Variants in ABCA1 observed in about 807,000 individuals in gnomAD.
ABCA1 encodes the protein phospholipid-transporting ATPase ABCA1.
ABCA1 carries 133 observed loss-of-function variants against 262.5 expected under a neutral mutation model. The observed-to-expected ratio is 0.51, with a 90% CI of 0.44 to 0.59. The LOEUF is 0.59. ABCA1 is among the 20% of genes least tolerant of loss of function. The pLI, the probability that ABCA1 is intolerant of heterozygous loss-of-function variation, is 0.00. For missense variants in ABCA1, 2,452 were observed against 2,777.5 expected, an observed-to-expected ratio of 0.88 and a Z score of 2.63; for synonymous variants, 1,022 against 1,043.5, an observed-to-expected ratio of 0.98 and a Z score of 0.40.
In ABCA1 at chr9:104,903,690, C is replaced by T. The variant is rs1195949415; in HGVS notation, c.-11G>A. 1 of 1,573,506 alleles carries T rather than the reference C, an allele frequency of 6.4e-7. No individual in the cohort carries two copies. Among genetic ancestry groups the T allele is most frequent in the South Asian group, 1.2e-5 (1 of 85,864 alleles). On this transcript the variant is annotated 5_prime_UTR_variant, in exon 2 of 50. Coordinates refer to ENST00000374736, the MANE Select transcript of ABCA1 (RefSeq NM_005502.4). The stretch of plus-strand genomic sequence containing the variant: ...AGGCCAACAAGCCATGTTCCCTCAG[C>T]CAGCACCCCCAGCGTGTGGCTCGGG...
rs1432404198 is a variant in ABCA1 at position 104,817,451 on chromosome 9, C to T, written c.3463-47G>A. The T allele has an allele frequency of 5.0e-6, 8 of 1,601,322 alleles. No homozygotes were observed. The Admixed American group carries it at 1.0e-4, about 20-fold the overall frequency. On this transcript the variant is annotated intron_variant, in intron 23 of 49. Transcript: ENST00000374736. The surrounding 1 kb of genome is among the most constrained non-coding windows in gnomAD (Gnocchi z 4.7). ...AGAACGGGTCAGGGACGGAGCAAGG[C>T]AGAGCCACCAGCACCTTCGCCGGGG...
intron 2 of ABCA1, among the ~76,000 whole-genome samples, chr9:104,903,324 A>C (rs2118431150): frequency 6.6e-6 from 1 of 152,268 alleles, no homozygotes; most frequent in East Asian, 1.9e-4. Context: ...AAAAGGAAAA[A>C]GTGGGGTGCT....
chr9:104,895,043 G>T (rs1363918703), intron 2 of ABCA1, among the ~76,000 whole-genome samples: 1 of 152,160 alleles, frequency 6.6e-6, no homozygotes, highest in Non-Finnish European at 1.5e-5. Flanking sequence ...CCTTCTCTAA[G>T]CTTAGCACTT....
intron 11 of ABCA1, among the ~76,000 whole-genome samples, chr9:104,834,539 T>C (rs1833627048): frequency 6.7e-6 from 1 of 148,438 alleles, no homozygotes; most frequent in South Asian, 2.2e-4. Flanking sequence ...TAGGGTGAAG[T>C]CGGCCCTGCC....
chr9:104,802,229 C>A, intron 33 of ABCA1, 70 bp from the exon 34 acceptor site: 2 of 1,370,094 alleles, frequency 1.5e-6, no homozygotes, highest in Non-Finnish European at 2.1e-6. Flanking sequence ...AGACTCAGTG[C>A]GAGTGTGTAC....
chr9:104,882,028 T>TAAAAAAAAAAAAAAAAAAAAC, intron 5 of ABCA1, among the ~76,000 whole-genome samples: 1 of 73,756 alleles, frequency 1.4e-5, no homozygotes, highest in Middle Eastern at 8.8e-3. Context: ...TCTGTAGCCT[T>TAAAAAAAAAAAAAAAAAAAAC]AAAAAAAAAA....
intron 13 of ABCA1, among the ~76,000 whole-genome samples, 180 bp downstream of exon 13, chr9:104,831,442 G>A (rs143298110): frequency 3.9e-5 from 6 of 152,128 alleles, no homozygotes; most frequent in African/African-American, 1.4e-4. Flanking sequence ...TATGACCTAT[G>A]AAAAACCTTC....
intron 1 of ABCA1, among the ~76,000 whole-genome samples, chr9:104,912,312 T>A (rs1227624928): frequency 6.6e-6 from 1 of 152,156 alleles, no homozygotes; most frequent in Non-Finnish European, 1.5e-5. Flanking sequence ...GGCAGCAGGA[T>A]CGCTTGAGCC....
At chr9:104,798,196 C>T (rs1348413941) in intron 37 of ABCA1, among the ~76,000 whole-genome samples, 3 of 152,208 alleles carry the variant, frequency 2.0e-5, no homozygotes, top group African/African-American at 7.2e-5. Context: ...TATTAATTTT[C>T]ATCATTGTGT....
chr9:104,821,525 A>C lies in ABCA1; in HGVS notation c.2829-19T>G. The C allele has an allele frequency of 6.2e-7, 1 of 1,613,468 alleles. No homozygotes were observed. The highest frequency in any genetic ancestry group is 1.1e-5 in the South Asian group (1 of 91,044). ...GATTGACCTGAGGACAAAAATTTAG[A>C]AGTACAGAAGTCAGGGTTGACCTAC... On this transcript the variant is annotated intron_variant, in intron 19 of 49. Coordinates refer to ENST00000374736, the MANE Select transcript of ABCA1 (RefSeq NM_005502.4).
Position 104,790,902 on chromosome 9 carries a change from C to G in ABCA1, c.5927+20G>C. 1 of 1,515,084 alleles carries G rather than the reference C, an allele frequency of 6.6e-7. No individual in the cohort carries two copies. The highest frequency in any genetic ancestry group is 9.2e-7 in the Non-Finnish European group (1 of 1,090,432). The allele number at this position is 1,515,084 out of a possible 1,614,324, so 93.9% of individuals were successfully genotyped here. ...AAAACAAAGTCTTTGCAGCAAAATA[C>G]AAGCCACTTCTTTTCTCACCTATTT... On this transcript the variant is annotated intron_variant, in intron 44 of 49. Coordinates refer to ENST00000374736, the MANE Select transcript of ABCA1 (RefSeq NM_005502.4).
chr9:104,804,221 T>G (rs1346167953), intron 32 of ABCA1, among the ~76,000 whole-genome samples: 2 of 151,222 alleles, frequency 1.3e-5, no homozygotes, highest in Non-Finnish European at 3.0e-5. Flanking sequence ...CAAATTATCA[T>G]GGAGTCCCCC....
Position 104,793,291 on chromosome 9 carries a change from C to T in ABCA1, c.5516G>A (p.Arg1839His), listed in dbSNP as rs139363994. The part of the protein sequence containing the change: ...ADALERFGEN[R>H]FVSPLSWDLV... ...GTCCCAAGATAATGGTGACACAAAG[C>T]GATTCTCCCCTAGTAGACACAATGC... is the stretch of plus-strand genomic sequence containing the variant. The change falls in exon 41 of 50, where the codon CGC becomes CAC. Residue 1839 changes from arginine to histidine, a missense_variant. By Grantham distance (29) the Arg-to-His change is conservative (BLOSUM62 0). This residue lies in a region of ABCA1 where 752 missense variants were observed against 944.5 expected (regional missense o/e 0.80). Coordinates refer to ENST00000374736, the MANE Select transcript of ABCA1 (RefSeq NM_005502.4). The T allele has an allele frequency of 2.7e-5, 43 of 1,614,090 alleles. No individual in the cohort carries two copies. The highest frequency in any genetic ancestry group is 2.3e-4 in the African/African-American group (17 of 75,014).
chr9:104,794,612 G>T (rs1829729867), intron 39 of ABCA1, 102 bp from the exon 40 acceptor site: 1 of 1,401,338 alleles, frequency 7.1e-7, no homozygotes. Flanking sequence ...CTGAAATATG[G>T]GAGTGAAGAA....
intron 5 of ABCA1, among the ~76,000 whole-genome samples, chr9:104,881,946 C>T (rs1035652817): frequency 6.7e-6 from 1 of 148,170 alleles, no homozygotes; most frequent in African/African-American, 2.5e-5. Context: ...ACCCCTAAGA[C>T]AGCTTTGCTT....
intron 8 of ABCA1, among the ~76,000 whole-genome samples, chr9:104,843,417 C>T (rs1371289094): frequency 1.3e-5 from 2 of 152,200 alleles, no homozygotes; most frequent in Non-Finnish European, 2.9e-5. Context: ...CCAGGTTCTG[C>T]TAGTGCGTAT....
In ABCA1 at chr9:104,806,263, G is replaced by C. The variant is rs1207826284; in HGVS notation, c.4442C>G (p.Ala1481Gly). 1.2e-6 allele frequency: 2 copies of C among 1,613,298 alleles called. No individual in the cohort carries two copies. The highest frequency in any genetic ancestry group is 1.3e-5 in the African/African-American group (1 of 74,878). Residue 1481 changes from alanine to glycine, a missense_variant, in exon 31 of 50, where the codon GCA (alanine) becomes GGA (glycine). Around this residue, in one of 4 missense-constraint regions of ABCA1, gnomAD observed 665 missense variants for 727.3 expected, o/e 0.91. Transcript: ENST00000374736. Reference sequence around the variant, plus strand: ...CACTTGTGGAGGAGGCAGCCCCCCTGCCCCTGGGGGACACACAGGCAGCAT... The same window carrying C: ...CACTTGTGGAGGAGGCAGCCCCCCTCCCCCTGGGGGACACACAGGCAGCAT... ...KKMLPVCPPG[A>G]GGLPPPQRKQ...
rs764641588 is a variant in ABCA1 at position 104,855,805 on chromosome 9, T to G, written c.720+2717A>C. 239 of 1,589,272 alleles carry G rather than the reference T, an allele frequency of 1.5e-4. No homozygotes were observed. The East Asian group carries it at 5.4e-3, about 36-fold the overall frequency. On this transcript the variant is annotated intron_variant, in intron 7 of 49. Coordinates refer to ENST00000374736, the MANE Select transcript of ABCA1 (RefSeq NM_005502.4). ...CTCCCACACTGCCATACTTTCCCCA[T>G]GTTGCCAAAACACTGCTTTCCAGAG...
At chr9:104,893,416 CACCTCAAAA>C in intron 2 of ABCA1, among the ~76,000 whole-genome samples, 1 of 59,870 alleles carries the variant, frequency 1.7e-5, no homozygotes, top group Non-Finnish European at 2.8e-5. Flanking sequence ...AGTGAGACTT[CACCTCAAAA>C]AAAAAAAAAA....
Sources: allele counts gnomAD v4.1 joint callset (sites outside exome capture counted in the v4.1 genomes callset), GRCh38; gene constraint gnomAD v4.1.1; regional missense constraint gnomAD v4.1.1; non-coding constraint Gnocchi (gnomAD v3.1); transcripts MANE v1.5; gene names NCBI Gene and HGNC (gene_info 2026-07-23, HGNC 2026-07-21).